TMEM132D: variants seen among roughly 807,000 people sequenced by gnomAD.
TMEM132D encodes the protein mature OL transmembrane protein.
TMEM132D carries 21 observed loss-of-function variants against 62.3 expected under a neutral mutation model. The ratio of observed to expected loss-of-function variants is 0.34; its 90% confidence interval spans 0.24 to 0.49. TMEM132D has a LOEUF of 0.49. Among genes scored for constraint, TMEM132D ranks in the 20% least tolerant of loss-of-function variants. TMEM132D has a pLI of 0.99. For missense variants in TMEM132D, 1,346 were observed against 1,402.8 expected (o/e 0.96, Z 0.65); for synonymous variants, 621 against 575.6 (o/e 1.08, Z -1.13).
At chr12:129,162,542 T>A (rs746230167) in intron 5 of TMEM132D, among the ~76,000 whole-genome samples, 3 of 152,136 alleles carry the variant, frequency 2.0e-5, no homozygotes, top group Non-Finnish European at 4.4e-5. Context: ...TGAGATGTGA[T>A]CCCCAGTGTT....
At chr12:129,894,151 TG>T (rs1403329241) in intron 1 of TMEM132D, among the ~76,000 whole-genome samples, 2 of 152,172 alleles carry the variant, frequency 1.3e-5, no homozygotes, top group African/African-American at 4.8e-5. Context: ...TCCACATGGC[TG>T]GGAAGCCTCA....
intron 1 of TMEM132D, among the ~76,000 whole-genome samples, chr12:129,806,715 TAAA>T (rs937585062): frequency 1.3e-5 from 2 of 151,424 alleles, no homozygotes; most frequent in African/African-American, 4.9e-5. Context: ...AAAATAAAAA[TAAA>T]AAATAAAAAA....
intron 1 of TMEM132D, among the ~76,000 whole-genome samples, chr12:129,850,101 A>C (rs985223819): frequency 2.0e-5 from 3 of 152,126 alleles, no homozygotes; most frequent in Non-Finnish European, 4.4e-5. Flanking sequence ...TTTCTTTCTG[A>C]AGGTATTTTG....
At chr12:129,438,653 G>A (rs1872856112) in intron 3 of TMEM132D, among the ~76,000 whole-genome samples, 1 of 152,126 alleles carries the variant, frequency 6.6e-6, no homozygotes, top group African/African-American at 2.4e-5. Context: ...GAGGGCATCT[G>A]TTGGGAAGAA....
rs80121320 is a variant in TMEM132D at position 129,381,796 on chromosome 12, C to A, written c.1116-43979G>T. ...ACAAATTTGCACCAAATGAATTTCT[C>A]TTGTAATCAGCATCTGCACCAAATC... On this transcript the variant is annotated intron_variant, in intron 3 of 8. Transcript: ENST00000422113. Among the ~76,000 whole-genome samples the A allele has an allele frequency of 4.5e-4, 68 of 152,210 alleles. No individual in the cohort carries two copies. The East Asian group carries it at 0.012, about 27-fold the overall frequency.
At chr12:129,720,228 C>T (rs1482898080) in intron 1 of TMEM132D, among the ~76,000 whole-genome samples, 1 of 152,074 alleles carries the variant, frequency 6.6e-6, no homozygotes, top group Non-Finnish European at 1.5e-5. Flanking sequence ...AGCAACATTC[C>T]TAGTAACTCA....
At chr12:129,291,661 T>G (rs1047240799) in intron 4 of TMEM132D, among the ~76,000 whole-genome samples, 1 of 152,198 alleles carries the variant, frequency 6.6e-6, no homozygotes, top group African/African-American at 2.4e-5. Context: ...ATTTAGTTAT[T>G]CTGACAGCAC....
At chr12:129,796,219 A>G (rs940187343) in intron 1 of TMEM132D, among the ~76,000 whole-genome samples, 5 of 152,140 alleles carry the variant, frequency 3.3e-5, no homozygotes, top group Non-Finnish European at 7.3e-5. Context: ...AAAGGAAAAC[A>G]TCATATAAAA....
At chr12:129,159,758 CAAA>C (rs1188064357) in intron 5 of TMEM132D, among the ~76,000 whole-genome samples, 5 of 27,388 alleles carry the variant, frequency 1.8e-4, no homozygotes, top group Admixed American at 3.6e-4. Context: ...GACTCGGGCT[CAAA>C]AAAAAAAAAA....
chr12:129,316,427 A>G (rs1349895309), intron 4 of TMEM132D, among the ~76,000 whole-genome samples: 1 of 152,068 alleles, frequency 6.6e-6, no homozygotes, highest in African/African-American at 2.4e-5. Flanking sequence ...GGAGCAGGTT[A>G]TTTGATTTCC....
intron 2 of TMEM132D, among the ~76,000 whole-genome samples, chr12:129,558,901 G>T (rs1231979360): frequency 3.3e-5 from 5 of 152,138 alleles, no homozygotes; most frequent in Non-Finnish European, 7.4e-5. Context: ...TCAATTATTG[G>T]AACTCCTACG....
At chr12:129,596,484 C>T (rs373416296) in intron 2 of TMEM132D, among the ~76,000 whole-genome samples, 63 of 152,074 alleles carry the variant, frequency 4.1e-4, no homozygotes, top group African/African-American at 1.3e-3. Flanking sequence ...GGTTCCAGCA[C>T]GCCCTGCAGA....
At chr12:129,805,350 A>T (rs1004580472) in intron 1 of TMEM132D, among the ~76,000 whole-genome samples, 9 of 152,104 alleles carry the variant, frequency 5.9e-5, no homozygotes, top group Non-Finnish European at 1.2e-4. Flanking sequence ...AGAGATATAG[A>T]CCAATGGAAC....
chr12:129,391,113 C>T (rs1211423934), intron 3 of TMEM132D, among the ~76,000 whole-genome samples: 1 of 152,174 alleles, frequency 6.6e-6, no homozygotes, highest in Admixed American at 6.5e-5. Context: ...AAGTCATTCC[C>T]AATCTTTTGT....
chr12:129,137,139 CTAT>C (rs1876601573), intron 5 of TMEM132D, among the ~76,000 whole-genome samples: 2 of 33,436 alleles, frequency 6.0e-5, no homozygotes, highest in Non-Finnish European at 1.5e-4. Flanking sequence ...ATCACCATCA[CTAT>C]CATTGTCATC....
intron 1 of TMEM132D, among the ~76,000 whole-genome samples, chr12:129,725,040 T>G (rs1868982434): frequency 6.6e-6 from 1 of 152,208 alleles, no homozygotes; most frequent in African/African-American, 2.4e-5. Flanking sequence ...TGGTTGTCTC[T>G]TCCCTACTCC....
intron 1 of TMEM132D, among the ~76,000 whole-genome samples, chr12:129,736,243 A>G (rs1869419766): frequency 6.6e-6 from 1 of 152,206 alleles, no homozygotes; most frequent in African/African-American, 2.4e-5. Flanking sequence ...CTCATTTATA[A>G]CAGTGTGATA....
intron 1 of TMEM132D, among the ~76,000 whole-genome samples, chr12:129,764,807 G>A (rs1870499586): frequency 1.3e-5 from 2 of 152,086 alleles, no homozygotes; most frequent in African/African-American, 2.4e-5. Flanking sequence ...CTGGTGTGGT[G>A]ATACAAGCAT....
At chr12:129,672,459 G>A (rs1880522782) in intron 2 of TMEM132D, among the ~76,000 whole-genome samples, 1 of 152,170 alleles carries the variant, frequency 6.6e-6, no homozygotes, top group South Asian at 2.1e-4. Context: ...AAGCATCTGA[G>A]ATTTCCGGGT....
Sources: gnomAD v4.1 joint callset for allele counts (sites outside exome capture counted in the v4.1 genomes callset) on GRCh38, gnomAD v4.1.1 for gene constraint, MANE v1.5 for transcripts, NCBI Gene and HGNC (gene_info 2026-07-23, HGNC 2026-07-21) for gene names.